The following ABI3BP variants were observed in gnomAD, a reference collection of about 807,000 sequenced individuals.
ABI3BP encodes the protein target of Nesh-SH3.
Under a neutral mutation model 268.6 loss-of-function variants are expected in ABI3BP, and 216 were observed. The ratio of observed to expected loss-of-function variants is 0.80; its 90% CI spans 0.72 to 0.90. The LOEUF (loss-of-function observed/expected upper bound fraction) is 0.90. ABI3BP is among the 40% of genes least tolerant of loss of function. The pLI is 0.00. For missense variants in ABI3BP, 2,090 were observed against 2,182.4 expected (o/e 0.96, Z 0.84); for synonymous variants, 730 against 730.0 (o/e 1.00, Z 0.00).
intron 1 of ABI3BP, among the ~76,000 whole-genome samples, chr3:100,934,744 CT>C (rs140948749): frequency 0.99 from 150,601 of 152,058 alleles, 74,590 homozygotes; most frequent in East Asian, 1. Context: ...TGATGATGAG[CT>C]TTTTTTTCAT....
chr3:100,915,021 A>G (rs932379533), intron 2 of ABI3BP, among the ~76,000 whole-genome samples: 3 of 152,144 alleles, frequency 2.0e-5, no homozygotes, highest in Non-Finnish European at 4.4e-5. Context: ...CCCTAAAAAG[A>G]GTGCCATTGA....
In ABI3BP at chr3:100,951,785, A is replaced by C. The variant is rs1419875294; in HGVS notation, c.80-25304T>G. Reference sequence around the variant, plus strand: ...AACTTGGAGCAGTGGTTCTCTTCTGAAAGGCTAAACTTCTAATTAAAGAGT... The same window carrying C: ...AACTTGGAGCAGTGGTTCTCTTCTGCAAGGCTAAACTTCTAATTAAAGAGT... On this transcript the variant is annotated intron_variant, in intron 1 of 67. Coordinates refer to ENST00000471714, the MANE Select transcript of ABI3BP (RefSeq NM_001375547.2). Among the ~76,000 whole-genome samples, 7 of 152,066 alleles carry C rather than the reference A, an allele frequency of 4.6e-5. No homozygotes were observed. In the East Asian group the frequency reaches 1.2e-3, roughly 25 times the overall value.
chr3:100,859,840 G>A (rs944951999), intron 14 of ABI3BP, among the ~76,000 whole-genome samples: 3 of 152,114 alleles, frequency 2.0e-5, no homozygotes, highest in Non-Finnish European at 4.4e-5. Flanking sequence ...TACACCCGAT[G>A]ATTCTTACTG....
chr3:100,979,535 A>G (rs1263341401), intron 1 of ABI3BP, among the ~76,000 whole-genome samples: 1 of 151,488 alleles, frequency 6.6e-6, no homozygotes, highest in Non-Finnish European at 1.5e-5. Flanking sequence ...CTGATAATTC[A>G]CAGGAAATTT....
intron 1 of ABI3BP, among the ~76,000 whole-genome samples, chr3:100,940,819 T>TAG: frequency 1.2e-5 from 1 of 82,948 alleles, no homozygotes; most frequent in South Asian, 3.9e-4. Context: ...TATATATATA[T>TAG]ATATATATAT....
intron 44 of ABI3BP, among the ~76,000 whole-genome samples, 192 bp from the exon 45 acceptor site, chr3:100,813,927 A>C (rs1357394855): frequency 6.6e-6 from 1 of 152,150 alleles, no homozygotes; most frequent in African/African-American, 2.4e-5. Flanking sequence ...CAGTGGGCCA[A>C]TAATGATTCT....
intron 9 of ABI3BP, among the ~76,000 whole-genome samples, chr3:100,873,347 A>G (rs1269790118): frequency 6.6e-6 from 1 of 152,192 alleles, no homozygotes; most frequent in Non-Finnish European, 1.5e-5. Context: ...AAAGAAGAAA[A>G]TTGGAAACAA....
In ABI3BP at chr3:100,928,554, T is replaced by C. The variant is rs1264871630; in HGVS notation, c.80-2073A>G. 2.0e-5 allele frequency among the ~76,000 whole-genome samples: 3 copies of C among 152,254 alleles called. No homozygotes were observed. In the East Asian group the frequency reaches 5.8e-4, roughly 29 times the overall value. On this transcript the variant is annotated intron_variant, in intron 1 of 67. Coordinates refer to ENST00000471714, the MANE Select transcript of ABI3BP (RefSeq NM_001375547.2). Reference sequence around the variant, plus strand: ...TTATTCATACCTCAGCAGCTAAGGCTATAGTTTCCATGTATGTGCATAGTA... The same window carrying C: ...TTATTCATACCTCAGCAGCTAAGGCCATAGTTTCCATGTATGTGCATAGTA...
At chr3:100,817,548 C>A in intron 41 of ABI3BP, 53 bp from the exon 42 acceptor site, 2 of 1,301,930 alleles carry the variant, frequency 1.5e-6, no homozygotes, top group South Asian at 3.0e-5. Context: ...ATATTAATTT[C>A]ACAGTTCAAT....
intron 21 of ABI3BP, 90 bp from the exon 22 acceptor site, chr3:100,840,948 A>C (rs1200074982): frequency 1.1e-5 from 11 of 1,036,070 alleles, no homozygotes; most frequent in Non-Finnish European, 1.5e-5. Flanking sequence ...TTAATTTTTA[A>C]TTACTAGATT....
chr3:100,780,241 AT>A, intron 57 of ABI3BP, 32 bp from the exon 58 acceptor site: 3 of 1,598,388 alleles, frequency 1.9e-6, no homozygotes, highest in Non-Finnish European at 2.6e-6. Context: ...GGGAATAAAC[AT>A]ATAGCAAAAA....
chr3:100,948,804 T>C (rs936567139), intron 1 of ABI3BP, among the ~76,000 whole-genome samples: 1 of 152,176 alleles, frequency 6.6e-6, no homozygotes, highest in African/African-American at 2.4e-5. Flanking sequence ...TTTGGAATAT[T>C]TGCATTATAC....
chr3:100,751,223 A>C (rs540496101), intron 67 of ABI3BP, among the ~76,000 whole-genome samples: 2 of 152,284 alleles, frequency 1.3e-5, no homozygotes, highest in South Asian at 4.1e-4. Context: ...TTTTTTCTTA[A>C]GGAAATAAAA....
chr3:100,873,243 G>A (rs2099126669), intron 9 of ABI3BP, among the ~76,000 whole-genome samples: 2 of 152,186 alleles, frequency 1.3e-5, no homozygotes, highest in Admixed American at 1.3e-4. Flanking sequence ...CACATGAAGA[G>A]ATAGCAATTT....
rs574033325 is a variant in ABI3BP, at chr3:100,930,887, GA to G, written c.80-4407del. 2.0e-5 allele frequency: 3 copies of G among 151,774 alleles called. No individual in the cohort carries two copies. In the South Asian group the frequency reaches 6.2e-4, roughly 32 times the overall value. 9.4% of individuals were successfully genotyped at this position (151,774 alleles called of 1,614,324 possible). A position where few individuals can be genotyped will look rare whatever the true frequency, so the allele number is the denominator to read the frequency against. On this transcript the variant is annotated intron_variant, in intron 1 of 67. Transcript: ENST00000471714. The stretch of plus-strand genomic sequence containing the variant: ...TACCAAAACCTGGCAGAAACACAAT[GA>G]AAAAAGAAAACTTCAGGCCAATATC...
rs2098546420 is a variant in ABI3BP, at chr3:100,834,559, C to T, written c.2281+125G>A. On this transcript the variant is annotated intron_variant, in intron 29 of 67. Coordinates refer to ENST00000471714, the MANE Select transcript of ABI3BP (RefSeq NM_001375547.2). ...CGCCAGAGCACTGTGTTGGTAGCAG[C>T]TGCTTTCCATGACTTGGGCCTTCAC... The T allele has an allele frequency of 8.7e-6, 7 of 800,670 alleles. No homozygotes were observed. In the South Asian group the frequency reaches 1.0e-4, roughly 12 times the overall value. The allele number at this position is 800,670 out of a possible 1,614,324, so 49.6% of individuals were successfully genotyped here.
At chr3:100,989,375 C>A (rs1354421647) in intron 1 of ABI3BP, among the ~76,000 whole-genome samples, 1 of 152,146 alleles carries the variant, frequency 6.6e-6, no homozygotes, top group Non-Finnish European at 1.5e-5. Context: ...TTACCACATG[C>A]AGGATATACT....
intron 1 of ABI3BP, among the ~76,000 whole-genome samples, chr3:100,934,474 T>G (rs2065116953): frequency 6.6e-6 from 1 of 152,172 alleles, no homozygotes; most frequent in South Asian, 2.1e-4. Context: ...GTAGAATGAT[T>G]TATAATCCTT....
At chr3:100,780,364 A>G (rs73150782) in intron 57 of ABI3BP, among the ~76,000 whole-genome samples, 155 bp from the exon 58 acceptor site, 13 of 152,312 alleles carry the variant, frequency 8.5e-5, no homozygotes, top group Non-Finnish European at 1.9e-4. Context: ...ATCTGGCTAT[A>G]GAAAAAAATA....
Sources: gnomAD v4.1 joint callset for allele counts (sites outside exome capture counted in the v4.1 genomes callset) on GRCh38, gnomAD v4.1.1 for gene constraint, MANE v1.5 for transcripts, NCBI Gene and HGNC (gene_info 2026-07-23, HGNC 2026-07-21) for gene names.